ASH2L: variants seen among roughly 807,000 people sequenced by gnomAD.
ASH2L encodes the protein set1/Ash2 histone methyltransferase complex subunit ASH2.
A neutral mutation model predicts 81.1 loss-of-function variants in ASH2L; 30 were observed. That is an observed-to-expected ratio of 0.37 (90% CI 0.28 to 0.50). ASH2L has a LOEUF of 0.50. ASH2L is among the 20% of genes least tolerant of loss of function. The pLI is 0.95. For missense variants in ASH2L, 559 were observed against 792.1 expected (o/e 0.71, Z 3.53); for synonymous variants, 273 against 279.9 (o/e 0.98, Z 0.24).
At chr8:38,126,321 A>T (rs570385189) in intron 10 of ASH2L, among the ~76,000 whole-genome samples, 1 of 152,300 alleles carries the variant, frequency 6.6e-6, no homozygotes, top group East Asian at 1.9e-4. Flanking sequence ...ACTGTTTGAG[A>T]TTGGAAGAGG....
chr8:38,107,712 TACTG>T (rs2130467406), intron 3 of ASH2L, among the ~76,000 whole-genome samples: 1 of 152,292 alleles, frequency 6.6e-6, no homozygotes, highest in African/African-American at 2.4e-5. Flanking sequence ...TTTTTCCTTA[TACTG>T]ACTGTCTGTT....
chr8:38,114,952 C>T lies in ASH2L; in HGVS notation c.729C>T (p.Gly243=). ...TGGTAAAGGAACACCCAGATCCAGG[C>T]AGTAAAGATCCAGAAGAAGATTACC... is the stretch of plus-strand genomic sequence containing the variant. The part of the protein sequence containing the change: ...VFLVKEHPDP[G]SKDPEEDYPK... The change falls in exon 7 of 16, where the codon GGC becomes GGT. Residue 243 remains glycine, a synonymous_variant. Transcript: ENST00000343823. The T allele has an allele frequency of 6.2e-7, 1 of 1,612,740 alleles. No homozygotes were observed. Among genetic ancestry groups the T allele is most frequent in the South Asian group, 1.1e-5 (1 of 91,040 alleles).
At chr8:38,116,080 AGGCCAGGCATGGT>A (rs1442799949) in intron 7 of ASH2L, among the ~76,000 whole-genome samples, 2 of 152,028 alleles carry the variant, frequency 1.3e-5, no homozygotes, top group Non-Finnish European at 2.9e-5. Context: ...TAGAAAAATT[AGGCCAGGCATGGT>A]GGCTCATGCC....
intron 12 of ASH2L, among the ~76,000 whole-genome samples, chr8:38,130,024 G>A (rs1417735638): frequency 6.6e-6 from 1 of 152,092 alleles, no homozygotes; most frequent in Non-Finnish European, 1.5e-5. Flanking sequence ...GGTTTTAGTT[G>A]CTGACATTTA....
At chr8:38,130,217 C>T (rs1188418452) in intron 12 of ASH2L, among the ~76,000 whole-genome samples, 1 of 114,544 alleles carries the variant, frequency 8.7e-6, no homozygotes. Flanking sequence ...TATTCTGAGA[C>T]TTCTCTGTTC....
In ASH2L at chr8:38,128,431, G is replaced by A; in HGVS notation, c.1306G>A (p.Ala436Thr). Reference protein sequence around the residue: ...TVDEMPPDTAARLGWSQPLGN... With the variant: ...TVDEMPPDTATRLGWSQPLGN... ...GGATGAGATGCCACCAGATACCGCT[G>A]CCAGACTGGGTTGGTCCCAGCCCCT... The change falls in exon 11 of 16, where the codon GCC (alanine) becomes ACC (threonine). Residue 436 changes from alanine (A) to threonine (T), a missense_variant. Physicochemically the swap from Ala to Thr is moderately conservative, Grantham distance 58 (BLOSUM62 0). Transcript: ENST00000343823. 2.5e-6 allele frequency: 4 copies of A among 1,614,124 alleles called. No homozygotes were observed. The highest frequency in any genetic ancestry group is 3.4e-6 in the Non-Finnish European group (4 of 1,180,030).
chr8:38,120,849 A>G, intron 9 of ASH2L, 83 bp from the exon 10 acceptor site: 10 of 1,157,460 alleles, frequency 8.6e-6, no homozygotes, highest in Middle Eastern at 2.0e-4. Context: ...GCTGAAATAA[A>G]CCAGAGGCCT....
intron 10 of ASH2L, among the ~76,000 whole-genome samples, chr8:38,127,322 TAAAA>T (rs78451289): frequency 7.5e-6 from 1 of 133,878 alleles, no homozygotes; most frequent in Non-Finnish European, 1.6e-5. Context: ...CCCTGGCTCT[TAAAA>T]AAAAAAAAAA....
Position 38,105,564 on chromosome 8 carries a change from G to A in ASH2L, c.14G>A (p.Gly5Glu), listed in dbSNP as rs1233209008. Residue 5 changes from glycine (G) to glutamate (E), a missense_variant, in exon 1 of 16, where the codon GGA becomes GAA. Physicochemically the swap from Gly to Glu is moderately conservative, Grantham distance 98. Around this residue, in one of 4 missense-constraint regions of ASH2L, gnomAD observed 145 missense variants for 115.5 expected, o/e 1.26. Transcript: ENST00000343823. ...GGGGTGGCCGTGATGGCGGCGGCAG[G>A]AGCAGGACCTGGCCAGGAAGCGGGT... MAAA[G>E]AGPGQEAGAG... 3.8e-6 allele frequency: 6 copies of A among 1,574,288 alleles called. No individual in the cohort carries two copies. Among genetic ancestry groups the A allele is most frequent in the Non-Finnish European group, 5.2e-6 (6 of 1,158,752 alleles).
rs143761182 is a variant in ASH2L, at chr8:38,122,846, C to T, written c.1165+1697C>T. ...GCAGCCTCAACCTCCTGGGCTCAAACGATCCTCCTGCCTCAGCCTACTGAG... is the reference window on the plus strand; with the variant it reads ...GCAGCCTCAACCTCCTGGGCTCAAATGATCCTCCTGCCTCAGCCTACTGAG... On this transcript the variant is annotated intron_variant, in intron 10 of 15. Transcript: ENST00000343823. Among the ~76,000 whole-genome samples the T allele has an allele frequency of 3.3e-3, 503 of 152,190 alleles. 4 individuals are homozygous for T. The highest frequency in any genetic ancestry group is 0.012 in the African/African-American group (478 of 41,514).
Position 38,107,067 on chromosome 8 carries a change from C to G in ASH2L, c.302C>G (p.Ser101Cys). Residue 101 changes from serine to cysteine, a missense_variant, in exon 3 of 16, where the codon TCC becomes TGC. Physicochemically the swap from Ser to Cys is moderately radical, Grantham distance 112 (BLOSUM62 -1). This residue lies in a region of ASH2L where 318 missense variants were observed against 527.0 expected (regional missense o/e 0.60). Transcript: ENST00000343823. Reference protein sequence around the residue: ...TSEVMDTQAGSVDEENGRQLG... With the variant: ...TSEVMDTQAGCVDEENGRQLG... ...GAGGTGATGGATACTCAGGCGGGCT[C>G]CGTGGATGAAGAGAATGGCCGACAG... 1.2e-6 allele frequency: 2 copies of G among 1,614,002 alleles called. No individual in the cohort carries two copies. The highest frequency in any genetic ancestry group is 2.2e-5 in the South Asian group (2 of 91,070).
chr8:38,109,655 GTCTTC>G (rs753467129), intron 3 of ASH2L, among the ~76,000 whole-genome samples: 2 of 152,164 alleles, frequency 1.3e-5, no homozygotes, highest in South Asian at 2.1e-4. Flanking sequence ...AAATAGGCAA[GTCTTC>G]TCTTGATGTC....
intron 3 of ASH2L, among the ~76,000 whole-genome samples, chr8:38,109,589 G>A (rs1010694305): frequency 6.6e-6 from 1 of 152,076 alleles, no homozygotes; most frequent in African/African-American, 2.4e-5. Context: ...TTCCTCTGTT[G>A]CATCCGTCTC....
intron 8 of ASH2L, chr8:38,119,003 T>G: frequency 3.1e-6 from 1 of 325,002 alleles, no homozygotes; most frequent in Non-Finnish European, 5.7e-6. Flanking sequence ...TAGTTGCAGT[T>G]TATTAGGAAC....
At chr8:38,124,754 C>T (rs1801765730) in intron 10 of ASH2L, 1 of 152,186 alleles carries the variant, frequency 6.6e-6, no homozygotes, top group South Asian at 2.1e-4. Context: ...AAGATTCAAA[C>T]CATATGCAGA....
At position 38,106,394 on chromosome 8, in the gene ASH2L, G is replaced by A; in HGVS notation, c.205G>A (p.Asp69Asn). 1 of 1,614,076 alleles carries A rather than the reference G, an allele frequency of 6.2e-7. No homozygotes were observed. Among genetic ancestry groups the A allele is most frequent in the Non-Finnish European group, 8.5e-7 (1 of 1,179,986 alleles). The change falls in exon 2 of 16, where the codon GAT becomes AAT. Residue 69 changes from aspartate (D) to asparagine (N), a missense_variant. Asp to Asn is a conservative substitution (Grantham distance 23, BLOSUM62 1). Around this residue, in one of 4 missense-constraint regions of ASH2L, gnomAD observed 145 missense variants for 115.5 expected, o/e 1.26. Transcript: ENST00000343823. ...EAEGGEANLV[D>N]VSGGLETESS... ...ATCTTATAGGGAGGCAAACTTGGTCGATGTAAGCGGTGGCTTGGAGACAGA... is the reference window on the plus strand; with the variant it reads ...ATCTTATAGGGAGGCAAACTTGGTCAATGTAAGCGGTGGCTTGGAGACAGA...
chr8:38,119,449 G>A, intron 9 of ASH2L, 86 bp downstream of exon 9: 1 of 1,145,632 alleles, frequency 8.7e-7, no homozygotes, highest in Non-Finnish European at 1.2e-6. Flanking sequence ...AGAGTTCAAG[G>A]GTCGGAGGTT....
chr8:38,134,697 G>T (rs1246004854), intron 13 of ASH2L, among the ~76,000 whole-genome samples: 1 of 152,036 alleles, frequency 6.6e-6, no homozygotes, highest in African/African-American at 2.4e-5. Flanking sequence ...AGGCCACCCA[G>T]GACACTAATA....
At chr8:38,120,430 TG>T (rs1811088178) in intron 9 of ASH2L, among the ~76,000 whole-genome samples, 1 of 152,174 alleles carries the variant, frequency 6.6e-6, no homozygotes, top group Non-Finnish European at 1.5e-5. Context: ...TATATATTTT[TG>T]TGAGATGGAG....
Sources: allele counts gnomAD v4.1 joint callset (sites outside exome capture counted in the v4.1 genomes callset), GRCh38; gene constraint gnomAD v4.1.1; regional missense constraint gnomAD v4.1.1; transcripts MANE v1.5; gene names NCBI Gene and HGNC (gene_info 2026-07-23, HGNC 2026-07-21).